The following TFPI variants were observed in gnomAD, a reference collection of about 807,000 sequenced individuals.
The protein encoded by TFPI is tissue factor pathway inhibitor.
A neutral mutation model predicts 34.6 loss-of-function variants in TFPI; 15 were observed. The observed-to-expected ratio is 0.43, with a 90% CI of 0.29 to 0.67. TFPI has a LOEUF of 0.67. Ranked by LOEUF, TFPI falls within the 30% of genes least tolerant of loss-of-function variation. The pLI is 0.15. For synonymous variants in TFPI, 105 were observed against 120.1 expected (o/e 0.87, Z 0.82); for missense variants, 301 against 364.0 (o/e 0.83, Z 1.41).
intron 1 of TFPI, among the ~76,000 whole-genome samples, chr2:187,508,532 G>A (rs1175338699): frequency 2.6e-5 from 4 of 152,106 alleles, no homozygotes; most frequent in Non-Finnish European, 4.4e-5. Context: ...CACATCCCTT[G>A]TGAGTTTTAT....
chr2:187,496,848 G>C, intron 3 of TFPI, 33 bp downstream of exon 3: 2 of 1,594,798 alleles, frequency 1.3e-6, no homozygotes, highest in Non-Finnish European at 1.7e-6. Flanking sequence ...AGCCCTAAAG[G>C]GTCTTGAGTA....
chr2:187,537,285 A>T (rs1303895507), intron 1 of TFPI, among the ~76,000 whole-genome samples: 2 of 152,236 alleles, frequency 1.3e-5, no homozygotes, highest in Non-Finnish European at 2.9e-5. Context: ...AGCCAAGACA[A>T]TCCTAAGCAA....
chr2:187,532,901 C>T (rs966000162), intron 1 of TFPI, among the ~76,000 whole-genome samples: 1 of 152,168 alleles, frequency 6.6e-6, no homozygotes, highest in Admixed American at 6.5e-5. Flanking sequence ...AGGGGAGGGG[C>T]ATCCGCCATT....
chr2:187,545,130 AAG>A (rs1688792986), intron 1 of TFPI, among the ~76,000 whole-genome samples: 1 of 152,160 alleles, frequency 6.6e-6, no homozygotes, highest in South Asian at 2.1e-4. Flanking sequence ...AAAAAAGAAA[AAG>A]AAAAATAATT....
intron 4 of TFPI, among the ~76,000 whole-genome samples, chr2:187,487,280 C>T (rs1397574833): frequency 6.6e-6 from 1 of 151,210 alleles, no homozygotes; most frequent in Non-Finnish European, 1.5e-5. Context: ...AAGTACTAAA[C>T]ATTTTGGTCA....
intron 1 of TFPI, among the ~76,000 whole-genome samples, chr2:187,520,911 G>C (rs767129781): frequency 6.6e-6 from 1 of 152,012 alleles, no homozygotes; most frequent in Non-Finnish European, 1.5e-5. Flanking sequence ...ACTTCTTTGA[G>C]ATAGCTCCAT....
intron 1 of TFPI, among the ~76,000 whole-genome samples, chr2:187,521,912 A>G (rs1687397206): frequency 6.6e-6 from 1 of 151,996 alleles, no homozygotes; most frequent in Non-Finnish European, 1.5e-5. Context: ...TTACATTTCG[A>G]GTTTTTAGAA....
intron 6 of TFPI, among the ~76,000 whole-genome samples, chr2:187,473,521 T>C (rs948619875): frequency 1.3e-5 from 2 of 152,180 alleles, no homozygotes; most frequent in African/African-American, 4.8e-5. Flanking sequence ...TTTTCTTTTT[T>C]ATTCAAATTC....
At chr2:187,487,705 G>A (rs1161265672) in intron 4 of TFPI, among the ~76,000 whole-genome samples, 1 of 151,242 alleles carries the variant, frequency 6.6e-6, no homozygotes, top group Non-Finnish European at 1.5e-5. Context: ...TTGTGAAAAA[G>A]TAATTATTTT....
chr2:187,548,797 T>C (rs996291953), intron 1 of TFPI, among the ~76,000 whole-genome samples: 42 of 152,054 alleles, frequency 2.8e-4, no homozygotes, highest in African/African-American at 1.0e-3. Context: ...TCACCACATA[T>C]AGAAAAACAG....
chr2:187,467,999 AT>A, intron 6 of TFPI, 67 bp from the exon 7 acceptor site: 1 of 1,343,644 alleles, frequency 7.4e-7, no homozygotes, highest in Non-Finnish European at 9.9e-7. Flanking sequence ...CGTATTGTAT[AT>A]TGTTTATAGA....
intron 1 of TFPI, among the ~76,000 whole-genome samples, chr2:187,511,865 G>A (rs1462018118): frequency 6.6e-6 from 1 of 151,656 alleles, no homozygotes; most frequent in Non-Finnish European, 1.5e-5. Context: ...AAGAGGCAAA[G>A]AGAGAGAGAA....
chr2:187,476,887 A>G (rs1020706729), intron 6 of TFPI, among the ~76,000 whole-genome samples: 1 of 152,200 alleles, frequency 6.6e-6, no homozygotes, highest in African/African-American at 2.4e-5. Context: ...CTTGCATAGT[A>G]TTAACTTGTA....
chr2:187,490,791 T>C (rs1685071145), intron 3 of TFPI, among the ~76,000 whole-genome samples: 1 of 151,796 alleles, frequency 6.6e-6, no homozygotes, highest in African/African-American at 2.4e-5. Context: ...TTCTTCTTTG[T>C]TTCTGTTTCC....
chr2:187,551,628 A>T (rs1342294696), intron 1 of TFPI, among the ~76,000 whole-genome samples: 3 of 152,102 alleles, frequency 2.0e-5, no homozygotes, highest in Admixed American at 2.0e-4. Context: ...GAAAGCCAGG[A>T]AAGATGGTCT....
At chr2:187,490,468 A>AC (rs1685042444) in intron 3 of TFPI, among the ~76,000 whole-genome samples, 1 of 151,146 alleles carries the variant, frequency 6.6e-6, no homozygotes. Context: ...TTATTAATGG[A>AC]CCCCCATTAT....
chr2:187,484,091 T>C, intron 6 of TFPI, 33 bp downstream of exon 6: 1 of 1,565,318 alleles, frequency 6.4e-7, no homozygotes, highest in Non-Finnish European at 8.8e-7. Context: ...GATAATAGTT[T>C]CCTGGAAGCA....
At chr2:187,493,211 A>G (rs1027211985) in intron 3 of TFPI, among the ~76,000 whole-genome samples, 2 of 152,160 alleles carry the variant, frequency 1.3e-5, no homozygotes, top group African/African-American at 2.4e-5. Flanking sequence ...TGACTTCGGT[A>G]TACTCTCAGG....
At chr2:187,529,975 G>A (rs1247970661) in intron 1 of TFPI, among the ~76,000 whole-genome samples, 1 of 152,144 alleles carries the variant, frequency 6.6e-6, no homozygotes, top group Non-Finnish European at 1.5e-5. Flanking sequence ...CCAAACTATG[G>A]TGTTTGTTTA....
Sources: gnomAD v4.1 joint callset for allele counts (sites outside exome capture counted in the v4.1 genomes callset) on GRCh38, gnomAD v4.1.1 for gene constraint, MANE v1.5 for transcripts, NCBI Gene and HGNC (gene_info 2026-07-23, HGNC 2026-07-21) for gene names.